Variants in TMEM114 observed in about 807,000 individuals in gnomAD.
The protein encoded by TMEM114 is claudin-26.
In TMEM114, 6 loss-of-function variants were observed where a neutral mutation model predicts 6.2. The ratio of observed to expected loss-of-function variants is 0.97; its 90% CI spans 0.53 to 1.91. The LOEUF (loss-of-function observed/expected upper bound fraction) is 1.91, where lower values mean the gene tolerates loss of function less well. Among genes scored for constraint, TMEM114 ranks in the 40% most tolerant of loss-of-function variants. The pLI is 0.01. For synonymous variants in TMEM114, 104 were observed against 73.0 expected (o/e 1.42, Z -2.16); for missense variants, 218 against 158.3 (o/e 1.38, Z -2.02).
intron 2 of TMEM114, among the ~76,000 whole-genome samples, chr16:8,554,823 C>G (rs1042574504): frequency 3.3e-5 from 5 of 152,182 alleles, no homozygotes. Context: ...AGGGTAGGCA[C>G]TGATGTTAGT....
downstream of TMEM114, among the ~76,000 whole-genome samples, chr16:8,536,956 C>T (rs1900378724): frequency 6.6e-6 from 1 of 152,008 alleles, no homozygotes. Flanking sequence ...ACCTGTAATT[C>T]CATCAGGTGT....
intron 2 of TMEM114, among the ~76,000 whole-genome samples, chr16:8,548,877 G>T (rs558740339): frequency 6.6e-6 from 1 of 152,190 alleles, no homozygotes; most frequent in Non-Finnish European, 1.5e-5. Context: ...TCCAGTTGTT[G>T]CCTGGGTTAA....
chr16:8,581,264 A>C lies in TMEM114; in HGVS notation c.301+7949T>G, dbSNP rs780060153. Among the ~76,000 whole-genome samples, 44 of 152,214 alleles carry C rather than the reference A, an allele frequency of 2.9e-4. 2 individuals carry two copies. The highest frequency in any genetic ancestry group is 1.2e-4 in the Non-Finnish European group (8 of 68,044). ...ATATTCTTTTTATAGGCTATGTAAT[A>C]TTAACACTAATATGCATTAGTATAT... On this transcript the variant is annotated intron_variant, in intron 2 of 3. Coordinates refer to ENST00000620492, the MANE Select transcript of TMEM114 (RefSeq NM_001146336.2).
intron 3 of TMEM114, among the ~76,000 whole-genome samples, chr16:8,570,325 A>AC (rs574698980): frequency 2.0e-5 from 3 of 150,866 alleles, no homozygotes; most frequent in Non-Finnish European, 4.4e-5. Context: ...CTTTTGTGTA[A>AC]TTTTTTTTTA....
intron 2 of TMEM114, among the ~76,000 whole-genome samples, chr16:8,576,499 G>A (rs866379063): frequency 2.4e-4 from 36 of 152,234 alleles, no homozygotes; most frequent in Admixed American, 1.2e-3. Context: ...GGGGCCAGGG[G>A]CTCTCCCAGG....
chr16:8,533,681 CACAGACT>C (rs1470939969), downstream of TMEM114, among the ~76,000 whole-genome samples: 1 of 152,150 alleles, frequency 6.6e-6, no homozygotes, highest in Non-Finnish European at 1.5e-5. Context: ...CTGAGGGTTC[CACAGACT>C]ATTCAACTGA....
chr16:8,534,352 GA>G (rs151135400), downstream of TMEM114, among the ~76,000 whole-genome samples: 241 of 148,688 alleles, frequency 1.6e-3, 1 homozygote, highest in East Asian at 0.016. Flanking sequence ...TTGCTTATTT[GA>G]AAAAAAAAAA....
chr16:8,552,209 T>G (rs915606857), intron 2 of TMEM114, among the ~76,000 whole-genome samples: 2 of 146,118 alleles, frequency 1.4e-5, no homozygotes, highest in Non-Finnish European at 3.0e-5. Flanking sequence ...ACCCTATCTC[T>G]GCAAAAAAAA....
chr16:8,568,686 C>T (rs1331707647), downstream of TMEM114, among the ~76,000 whole-genome samples: 1 of 152,224 alleles, frequency 6.6e-6, no homozygotes, highest in Non-Finnish European at 1.5e-5. Flanking sequence ...GTTTCCTAAG[C>T]CAAAGGCTCC....
chr16:8,554,298 G>T (rs1035988563), intron 2 of TMEM114, among the ~76,000 whole-genome samples: 1 of 152,088 alleles, frequency 6.6e-6, no homozygotes, highest in East Asian at 1.9e-4. Flanking sequence ...GCTCAAGCCT[G>T]CAATTCCAGC....
At chr16:8,534,723 A>C (rs956919731), downstream of TMEM114, among the ~76,000 whole-genome samples, 7 of 152,196 alleles carry the variant, frequency 4.6e-5, no homozygotes, top group African/African-American at 1.7e-4. Context: ...CACTTATAAA[A>C]TCTACAAATG....
At chr16:8,572,827 C>G (rs796744350) in intron 2 of TMEM114, among the ~76,000 whole-genome samples, 2 of 152,154 alleles carry the variant, frequency 1.3e-5, no homozygotes, top group African/African-American at 2.4e-5. Context: ...TTAGGAAGAA[C>G]TTGGGATTGG....
rs1049290776 is a variant in TMEM114, at chr16:8,572,168, C to A, written c.358G>T (p.Gly120Trp). 3.9e-6 allele frequency: 6 copies of A among 1,551,476 alleles called. No individual in the cohort carries two copies. Among genetic ancestry groups the A allele is most frequent in the Middle Eastern group, 1.7e-4 (1 of 6,016 alleles). The change falls in exon 3 of 4, where the codon GGG becomes TGG. Residue 120 changes from glycine (G) to tryptophan (W), a missense_variant. Physicochemically the swap from Gly to Trp is radical, Grantham distance 184. Transcript: ENST00000620492. ...LPLSLILMVF[G>W]GMTGFLSFLL... ...AAGCTCAGAAACCCCGTCATCCCCCCAAAAACCATCAGGATCAGGCTGAGC... is the reference window on the plus strand; with the variant it reads ...AAGCTCAGAAACCCCGTCATCCCCCAAAAAACCATCAGGATCAGGCTGAGC...
intron 2 of TMEM114, among the ~76,000 whole-genome samples, chr16:8,553,272 TG>T (rs572581353): frequency 1.0e-3 from 155 of 152,328 alleles, no homozygotes; most frequent in Admixed American, 1.8e-3. Flanking sequence ...CATATCACTT[TG>T]AAATTGAGGT....
intron 2 of TMEM114, among the ~76,000 whole-genome samples, chr16:8,553,302 G>C (rs1472108421): frequency 6.6e-6 from 1 of 152,176 alleles, no homozygotes; most frequent in African/African-American, 2.4e-5. Flanking sequence ...ATCTGGCCAC[G>C]GGTGGTCCCT....
intron 2 of TMEM114, among the ~76,000 whole-genome samples, chr16:8,547,432 A>T (rs1407603646): frequency 6.9e-6 from 1 of 143,970 alleles, no homozygotes; most frequent in African/African-American, 2.6e-5. Flanking sequence ...TCGCTCTGTC[A>T]CCCAGGCTGG....
chr16:8,569,691 A>G lies in TMEM114; in HGVS notation c.*82T>C. 2.6e-5 allele frequency: 38 copies of G among 1,459,378 alleles called. No individual in the cohort carries two copies. Among genetic ancestry groups the G allele is most frequent in the South Asian group, 2.8e-5 (2 of 70,602 alleles). 90.4% of individuals were successfully genotyped at this position (1,459,378 alleles called of 1,614,324 possible). On this transcript the variant is annotated 3_prime_UTR_variant, in exon 4 of 4. Coordinates refer to ENST00000620492, the MANE Select transcript of TMEM114 (RefSeq NM_001146336.2). ...CCTCCCCGAGTGGCCTTTGAGGAAG[A>G]AGAGGCCGCAGCCGATGGAGATCGG...
chr16:8,546,943 G>A (rs1446756346), intron 2 of TMEM114, among the ~76,000 whole-genome samples: 2 of 152,220 alleles, frequency 1.3e-5, no homozygotes, highest in Non-Finnish European at 2.9e-5. Flanking sequence ...TCTAAAGCTA[G>A]CTGGGAGGAC....
At chr16:8,566,954 G>A (rs11864101), downstream of TMEM114, among the ~76,000 whole-genome samples, 886 of 140,382 alleles carry the variant, frequency 6.3e-3, 10 homozygotes, top group African/African-American at 0.023. Context: ...AGGCTGGAGC[G>A]CAATGGTGCG....
Sources: gnomAD v4.1 joint callset for allele counts (sites outside exome capture counted in the v4.1 genomes callset) on GRCh38, gnomAD v4.1.1 for gene constraint, MANE v1.5 for transcripts, NCBI Gene and HGNC (gene_info 2026-07-23, HGNC 2026-07-21) for gene names.